Variants in ALG10 observed in about 807,000 individuals in gnomAD.
ALG10 encodes dol-P-Glc:Glc(2)Man(9)GlcNAc(2)-PP-Dol alpha-1,2-glucosyltransferase A.
Under a neutral mutation model 39.2 loss-of-function variants are expected in ALG10, and 25 were observed. The observed-to-expected ratio is 0.64, with a 90% confidence interval of 0.46 to 0.89. The LOEUF is 0.89. Ranked by LOEUF, ALG10 falls within the 40% of genes least tolerant of loss-of-function variation. ALG10 has a pLI of 0.00. For synonymous variants in ALG10, 184 were observed against 193.9 expected, an observed-to-expected ratio of 0.95 and a Z score of 0.42; for missense variants, 486 against 546.6, an observed-to-expected ratio of 0.89 and a Z score of 1.11.
Position 34,024,032 on chromosome 12 carries a change from G to T in ALG10, c.242G>T (p.Trp81Leu). 1 of 1,614,082 alleles carries T rather than the reference G, an allele frequency of 6.2e-7. No individual in the cohort carries two copies. The highest frequency in any genetic ancestry group is 1.3e-5 in the African/African-American group (1 of 75,002). Residue 81 changes from tryptophan to leucine, a missense_variant, in exon 2 of 3, where the codon TGG becomes TTG. Trp to Leu is a moderately conservative substitution (Grantham distance 61). Transcript: ENST00000266483. The stretch of plus-strand genomic sequence containing the variant: ...ATTGGAGTGATCAAACCTGCCATTT[G>T]GATCTTTGGATGGTCTGAACATGTT... ...VSIGVIKPAI[W>L]IFGWSEHVVC...
In ALG10 at chr12:34,026,477, G is replaced by A; in HGVS notation, c.984G>A (p.Val328=). ...LVWKRRILFF[V]VTLVSVFLVW... ...GGAAACGTAGAATTCTGTTTTTTGT[G>A]GTTACCTTAGTCTCTGTGTTTTTAG... Residue 328 remains valine (V), a synonymous_variant, in exon 3 of 3, where the codon GTG becomes GTA. Coordinates refer to ENST00000266483, the MANE Select transcript of ALG10 (RefSeq NM_032834.4). 6.2e-7 allele frequency: 1 copy of A among 1,613,454 alleles called. No individual in the cohort carries two copies. Among genetic ancestry groups the A allele is most frequent in the Non-Finnish European group, 8.5e-7 (1 of 1,179,860 alleles).
rs1942834824 is a variant in ALG10, at chr12:34,026,523, C to T, written c.1030C>T (p.His344Tyr). The change falls in exon 3 of 3, where the codon CAT (histidine) becomes TAT (tyrosine). Residue 344 changes from histidine (H) to tyrosine (Y), a missense_variant. Physicochemically the swap from His to Tyr is moderately conservative, Grantham distance 83. Coordinates refer to ENST00000266483, the MANE Select transcript of ALG10 (RefSeq NM_032834.4). ...VFLVWKFTYAHKYLLADNRHY... is the reference protein window; with the variant it reads ...VFLVWKFTYAYKYLLADNRHY... ...TTTAGTTTGGAAATTCACTTATGCT[C>T]ATAAATACTTGCTAGCAGACAATAG... 1.2e-6 allele frequency: 2 copies of T among 1,613,672 alleles called. No individual in the cohort carries two copies. Among genetic ancestry groups the T allele is most frequent in the Non-Finnish European group, 1.7e-6 (2 of 1,179,900 alleles).
chr12:34,022,717 T>G lies in ALG10; in HGVS notation c.118T>G (p.Phe40Val). Reference sequence around the variant, plus strand: ...GCGAGAGCCCTACATGGACGAGATCTTCCACCTGCCTCAGGCGCAGCGCTA... The same window carrying G: ...GCGAGAGCCCTACATGGACGAGATCGTCCACCTGCCTCAGGCGCAGCGCTA... The part of the protein sequence containing the change: ...ALREPYMDEI[F>V]HLPQAQRYCE... Residue 40 changes from phenylalanine to valine, a missense_variant, in exon 1 of 3, where the codon TTC becomes GTC. Coordinates refer to ENST00000266483, the MANE Select transcript of ALG10 (RefSeq NM_032834.4). 2 of 1,614,046 alleles carry G rather than the reference T, an allele frequency of 1.2e-6. No individual in the cohort carries two copies. Among genetic ancestry groups the G allele is most frequent in the Non-Finnish European group, 1.7e-6 (2 of 1,179,994 alleles).
rs760451718 is a variant in ALG10 at position 34,025,900 on chromosome 12, C to T, written c.407C>T (p.Thr136Ile). 1 of 1,614,022 alleles carries T rather than the reference C, an allele frequency of 6.2e-7. No homozygotes were observed. Among genetic ancestry groups the T allele is most frequent in the East Asian group, 2.2e-5 (1 of 44,860 alleles). ...SSIQRVLSTL[T>I]LAVFPTLYFF... ...ATCCAGAGAGTCTTGTCAACATTAACACTAGCAGTATTTCCAACACTTTAT... is the reference window on the plus strand; with the variant it reads ...ATCCAGAGAGTCTTGTCAACATTAATACTAGCAGTATTTCCAACACTTTAT... Residue 136 changes from threonine to isoleucine, a missense_variant, in exon 3 of 3, where the codon ACA becomes ATA. Transcript: ENST00000266483.
chr12:34,025,859 C>T lies in ALG10; in HGVS notation c.370-4C>T, dbSNP rs1942825310. On this transcript the variant is annotated splice_region_variant and splice_polypyrimidine_tract_variant and intron_variant, in intron 2 of 2. Transcript: ENST00000266483. ...ATTTTATCTGTGTTTCTTCTTCCTC[C>T]AAGGCTGCCTCAAGTATCCAGAGAG... 1 of 1,613,748 alleles carries T rather than the reference C, an allele frequency of 6.2e-7. No homozygotes were observed. Among genetic ancestry groups the T allele is most frequent in the African/African-American group, 1.3e-5 (1 of 74,968 alleles).
chr12:34,022,791 C>T lies in ALG10; in HGVS notation c.171+21C>T, dbSNP rs376382058. ...CCCAGGTGGGGTCCCCAACCTGTCC[C>T]CACCCCAGGAGAGGCCTGAGAGGTC... On this transcript the variant is annotated intron_variant, in intron 1 of 2. Coordinates refer to ENST00000266483, the MANE Select transcript of ALG10 (RefSeq NM_032834.4). The T allele has an allele frequency of 1.2e-4, 199 of 1,614,048 alleles. 1 individual carries two copies. The highest frequency in any genetic ancestry group is 1.2e-4 in the Admixed American group (7 of 60,020).
rs2120700386 is a variant in ALG10 at position 34,027,407 on chromosome 12, T to A, written c.*492T>A. 6.5e-6 allele frequency: 1 copy of A among 152,760 alleles called. No homozygotes were observed. The highest frequency in any genetic ancestry group is 6.5e-5 in the Admixed American group (1 of 15,294). 9.5% of individuals were successfully genotyped at this position (152,760 alleles called of 1,614,324 possible). On this transcript the variant is annotated 3_prime_UTR_variant, in exon 3 of 3. Coordinates refer to ENST00000266483, the MANE Select transcript of ALG10 (RefSeq NM_032834.4). ...CAAATGGTCAGGTGATATTCTTGAT[T>A]GAAAAGTTGCTTAACATTTCAGTAA... is the stretch of plus-strand genomic sequence containing the variant.
Position 34,022,538 on chromosome 12 carries a change from C to T in ALG10, c.-62C>T. ...CCATTTCGAGCCCAAGTTTCCAGCTCGGGTTTCCAGGCTCAGAATTTTCCA... is the reference window on the plus strand; with the variant it reads ...CCATTTCGAGCCCAAGTTTCCAGCTTGGGTTTCCAGGCTCAGAATTTTCCA... On this transcript the variant is annotated 5_prime_UTR_variant, in exon 1 of 3. Transcript: ENST00000266483. 8 of 1,613,298 alleles carry T rather than the reference C, an allele frequency of 5.0e-6. No homozygotes were observed. The highest frequency in any genetic ancestry group is 4.4e-5 in the South Asian group (4 of 91,032).
chr12:34,023,927 C>T, intron 1 of ALG10, 35 bp from the exon 2 acceptor site: 1 of 1,612,150 alleles, frequency 6.2e-7, no homozygotes, highest in South Asian at 1.1e-5. Context: ...TTCCTATTAC[C>T]TCTTGCTTTT....
rs78273253 is a variant in ALG10 at position 34,026,222 on chromosome 12, C to T, written c.729C>T (p.Ser243=). 10,029 of 1,613,954 alleles carry T rather than the reference C, an allele frequency of 6.2e-3. 382 individuals are homozygous for T. The African/African-American group carries it at 0.093, about 15-fold the overall frequency. ...AGTTTCTTTTGGCTTATTCCATGTC[C>T]TTTAAAAACTTGAGTATGCTTTTGC... ...ILQFLLAYSM[S]FKNLSMLLLL... Residue 243 remains serine, a synonymous_variant, in exon 3 of 3, where the codon TCC becomes TCT. Transcript: ENST00000266483.
upstream of ALG10, chr12:34,022,482 G>T: frequency 6.6e-7 from 1 of 1,521,616 alleles, no homozygotes; most frequent in Non-Finnish European, 9.1e-7. Flanking sequence ...TCCGGTATGT[G>T]GCCCCGTCTG....
rs1942808395 is a variant in ALG10 at position 34,024,173 on chromosome 12, T to C, written c.369+14T>C. 6.2e-7 allele frequency: 1 copy of C among 1,612,734 alleles called. No individual in the cohort carries two copies. On this transcript the variant is annotated intron_variant, in intron 2 of 2. Coordinates refer to ENST00000266483, the MANE Select transcript of ALG10 (RefSeq NM_032834.4). ...CCCAGAAACAAGGTATGTTTCAAAA[T>C]ACTTAATTACAAGTTTATGTGTAGT...
At position 34,026,641 on chromosome 12, in the gene ALG10, G is replaced by C; in HGVS notation, c.1148G>C (p.Ser383Thr). The C allele has an allele frequency of 6.2e-7, 1 of 1,613,928 alleles. No homozygotes were observed. The highest frequency in any genetic ancestry group is 8.5e-7 in the Non-Finnish European group (1 of 1,179,878). Reference sequence around the variant, plus strand: ...CCAGCCTATATATTTGCTGGTTGGAGTATAGCTGACTCATTGAAATCAAAG... The same window carrying C: ...CCAGCCTATATATTTGCTGGTTGGACTATAGCTGACTCATTGAAATCAAAG... Reference protein sequence around the residue: ...LVPAYIFAGWSIADSLKSKSI... With the variant: ...LVPAYIFAGWTIADSLKSKSI... The change falls in exon 3 of 3, where the codon AGT becomes ACT. Residue 383 changes from serine (S) to threonine (T), a missense_variant. Transcript: ENST00000266483.
chr12:34,022,396 C>T (rs963718646), upstream of ALG10: 3 of 753,794 alleles, frequency 4.0e-6, no homozygotes, highest in Middle Eastern at 8.0e-4. Context: ...TCATCCGGTC[C>T]GTTATCTAAA....
At position 34,026,901 on chromosome 12, in the gene ALG10, A is replaced by G. The variant is rs374025635; in HGVS notation, c.1408A>G (p.Arg470Gly). 1.7e-5 allele frequency: 28 copies of G among 1,613,446 alleles called. No homozygotes were observed. The highest frequency in any genetic ancestry group is 2.4e-5 in the Non-Finnish European group (28 of 1,179,724). Residue 470 changes from arginine (R) to glycine (G), a missense_variant, in exon 3 of 3, where the codon AGG becomes GGG. Coordinates refer to ENST00000266483, the MANE Select transcript of ALG10 (RefSeq NM_032834.4). ...FQWPNSQDIQRFMW is the reference protein window; with the variant it reads ...FQWPNSQDIQGFMW ...GTGGCCAAATAGTCAGGACATTCAA[A>G]GGTTTATGTGGTAATATCAGTGATA...
chr12:34,025,741 A>C (rs1942823469), intron 2 of ALG10, 122 bp from the exon 3 acceptor site: 2 of 1,214,602 alleles, frequency 1.6e-6, no homozygotes, highest in African/African-American at 1.6e-5. Flanking sequence ...AATATTGATT[A>C]ATTTTATTTA....
chr12:34,024,426 C>A (rs1942810332), intron 2 of ALG10, among the ~76,000 whole-genome samples: 1 of 152,066 alleles, frequency 6.6e-6, no homozygotes, highest in Admixed American at 6.6e-5. Context: ...GAACTTATTC[C>A]ATGTGCTAGG....
chr12:34,027,797 A>G lies in ALG10; in HGVS notation c.*882A>G, dbSNP rs1340628905. On this transcript the variant is annotated 3_prime_UTR_variant, in exon 3 of 3. Transcript: ENST00000266483. ...TTCTGGAGGCTCTAAGGAAGAATCC[A>G]TAAACAGACATTCTATGTCTGTTTC... 1 of 152,198 alleles carries G rather than the reference A, an allele frequency of 6.6e-6. No homozygotes were observed. Among genetic ancestry groups the G allele is most frequent in the Non-Finnish European group, 1.5e-5 (1 of 68,030 alleles). The allele number at this position is 152,198 out of a possible 1,614,324, so 9.4% of individuals were successfully genotyped here. A position where few individuals can be genotyped will look rare whatever the true frequency, so the allele number is the denominator to read the frequency against.
chr12:34,024,287 T>A, intron 2 of ALG10, 128 bp downstream of exon 2: 1 of 1,131,268 alleles, frequency 8.8e-7, no homozygotes, highest in Non-Finnish European at 1.3e-6. Context: ...GTATATTATG[T>A]AAAGGTAAAT....
Sources: gnomAD v4.1 joint callset for allele counts (sites outside exome capture counted in the v4.1 genomes callset) on GRCh38, gnomAD v4.1.1 for gene constraint, MANE v1.5 for transcripts, NCBI Gene and HGNC (gene_info 2026-07-23, HGNC 2026-07-21) for gene names.